AGBL4: variants seen among roughly 807,000 people sequenced by gnomAD.
AGBL4 encodes the protein AGBL carboxypeptidase 4.
AGBL4 carries 58 observed loss-of-function variants against 66.4 expected under a neutral mutation model. The ratio of observed to expected loss-of-function variants is 0.87; its 90% CI spans 0.71 to 1.09. AGBL4 has a LOEUF of 1.09. AGBL4 is among the 50% of genes least tolerant of loss of function. The pLI, the probability that AGBL4 is intolerant of heterozygous loss-of-function variation, is 0.00. For synonymous variants in AGBL4, 234 were observed against 222.9 expected (o/e 1.05, Z -0.44); for missense variants, 579 against 631.0 (o/e 0.92, Z 0.88).
At chr1:48,670,851 C>T (rs1646265602) in intron 6 of AGBL4, among the ~76,000 whole-genome samples, 1 of 152,264 alleles carries the variant, frequency 6.6e-6, no homozygotes, top group African/African-American at 2.4e-5. Context: ...GACTCAGAGG[C>T]TCTGAGATTC....
intron 4 of AGBL4, among the ~76,000 whole-genome samples, chr1:49,048,924 CT>C (rs1397733529): frequency 6.6e-6 from 1 of 152,090 alleles, no homozygotes; most frequent in Non-Finnish European, 1.5e-5. Context: ...TTCCACTCCC[CT>C]TTTCCCCTTG....
At chr1:49,014,950 A>G (rs2149012371) in intron 5 of AGBL4, among the ~76,000 whole-genome samples, 1 of 152,358 alleles carries the variant, frequency 6.6e-6, no homozygotes, top group South Asian at 2.1e-4. Flanking sequence ...TTGAGATAAC[A>G]CTGCTTCTTA....
chr1:48,752,672 A>T (rs2148634918), intron 6 of AGBL4, among the ~76,000 whole-genome samples: 1 of 152,250 alleles, frequency 6.6e-6, no homozygotes, highest in East Asian at 1.9e-4. Flanking sequence ...TCTTCAAATG[A>T]TTCTATATCT....
At chr1:49,537,904 G>A (rs1651726855) in intron 3 of AGBL4, among the ~76,000 whole-genome samples, 2 of 151,636 alleles carry the variant, frequency 1.3e-5, no homozygotes, top group Non-Finnish European at 2.9e-5. Context: ...TCCAGCCTGG[G>A]CGAGAGAGTG....
chr1:49,589,895 C>T (rs1426691112), intron 3 of AGBL4, among the ~76,000 whole-genome samples: 1 of 151,968 alleles, frequency 6.6e-6, no homozygotes, highest in African/African-American at 2.4e-5. Flanking sequence ...ACAAGTTACT[C>T]TTATGAGATA....
At chr1:49,779,752 T>C (rs1644291126) in intron 2 of AGBL4, among the ~76,000 whole-genome samples, 1 of 152,134 alleles carries the variant, frequency 6.6e-6, no homozygotes, top group Non-Finnish European at 1.5e-5. Context: ...AGGAAAATCC[T>C]TATAATTGCC....
chr1:49,131,554 A>G (rs1645896350), intron 4 of AGBL4, among the ~76,000 whole-genome samples: 1 of 152,102 alleles, frequency 6.6e-6, no homozygotes, highest in Non-Finnish European at 1.5e-5. Flanking sequence ...TTAGGGGCTT[A>G]GGAAGATTTA....
At chr1:49,672,842 A>G (rs1171277243) in intron 3 of AGBL4, among the ~76,000 whole-genome samples, 1 of 149,318 alleles carries the variant, frequency 6.7e-6, no homozygotes, top group Non-Finnish European at 1.5e-5. Flanking sequence ...AATCGCTTGA[A>G]CCCAGGAGGT....
intron 1 of AGBL4, among the ~76,000 whole-genome samples, chr1:49,956,790 G>T (rs936193939): frequency 6.6e-6 from 1 of 151,916 alleles, no homozygotes; most frequent in Non-Finnish European, 1.5e-5. Context: ...ATCAATTAAT[G>T]ACTTTTGGAT....
intron 1 of AGBL4, among the ~76,000 whole-genome samples, chr1:49,951,167 T>C (rs1476509692): frequency 1.3e-5 from 2 of 151,806 alleles, no homozygotes; most frequent in African/African-American, 2.4e-5. Flanking sequence ...ACGGTGACTA[T>C]AGTTAATAAT....
At position 49,954,753 on chromosome 1, in the gene AGBL4, T is replaced by C. The variant is rs563722220; in HGVS notation, c.34+69010A>G. ...GATGCAATCCACTCATCTTCCCCTTTATTGTTTCTTCTGCCTGGTACTATC... is the reference window on the plus strand; with the variant it reads ...GATGCAATCCACTCATCTTCCCCTTCATTGTTTCTTCTGCCTGGTACTATC... On this transcript the variant is annotated intron_variant, in intron 1 of 13. Coordinates refer to ENST00000371839, the MANE Select transcript of AGBL4 (RefSeq NM_032785.4). 3.4e-4 allele frequency among the ~76,000 whole-genome samples: 52 copies of C among 152,066 alleles called. 1 individual carries two copies. Among genetic ancestry groups the C allele is most frequent in the African/African-American group, 1.2e-3 (51 of 41,542 alleles).
At chr1:49,055,362 A>G (rs1644290767) in intron 4 of AGBL4, among the ~76,000 whole-genome samples, 1 of 152,048 alleles carries the variant, frequency 6.6e-6, no homozygotes, top group Non-Finnish European at 1.5e-5. Flanking sequence ...ATATTTATAT[A>G]TTTCAATACT....
intron 1 of AGBL4, among the ~76,000 whole-genome samples, chr1:49,931,354 T>C (rs1023266156): frequency 2.6e-5 from 4 of 152,286 alleles, no homozygotes; most frequent in African/African-American, 9.6e-5. Flanking sequence ...TACCTGAGAC[T>C]GGGTAATTTA....
intron 3 of AGBL4, among the ~76,000 whole-genome samples, chr1:49,475,430 A>T (rs986454626): frequency 6.6e-6 from 1 of 151,942 alleles, no homozygotes; most frequent in African/African-American, 2.4e-5. Context: ...TGGCACCAAG[A>T]TGATATTGAT....
chr1:48,823,985 G>A (rs948819297), intron 6 of AGBL4, among the ~76,000 whole-genome samples: 1 of 152,130 alleles, frequency 6.6e-6, no homozygotes, highest in African/African-American at 2.4e-5. Flanking sequence ...GTGTGTGTGT[G>A]TGTATATGTG....
At chr1:48,847,043 G>A (rs112537734) in intron 6 of AGBL4, among the ~76,000 whole-genome samples, 5,834 of 152,202 alleles carry the variant, frequency 0.038, 370 homozygotes, top group African/African-American at 0.13. Context: ...GCTCATGCCT[G>A]TAATCCCAGC....
chr1:49,044,225 C>T lies in AGBL4; in HGVS notation c.594+1359G>A, dbSNP rs183596807. On this transcript the variant is annotated intron_variant, in intron 5 of 13. Coordinates refer to ENST00000371839, the MANE Select transcript of AGBL4 (RefSeq NM_032785.4). ...GAGGGAAGTAGGAAGAGGCAGGGTA[C>T]GGTGGCTCACATCTGTAATCCCAGC... Among the ~76,000 whole-genome samples the T allele has an allele frequency of 1.1e-4, 17 of 152,182 alleles. 1 individual carries two copies. The highest frequency in any genetic ancestry group is 4.2e-4 in the South Asian group (2 of 4,816).
intron 3 of AGBL4, among the ~76,000 whole-genome samples, chr1:49,548,827 G>A (rs1652721041): frequency 6.6e-6 from 1 of 152,066 alleles, no homozygotes; most frequent in African/African-American, 2.4e-5. Flanking sequence ...TTTTCTCTAT[G>A]TTGTGGAATA....
chr1:49,479,718 T>C (rs1039347304), intron 3 of AGBL4, among the ~76,000 whole-genome samples: 1 of 150,688 alleles, frequency 6.6e-6, no homozygotes, highest in Non-Finnish European at 1.5e-5. Context: ...TTTTTTTTTT[T>C]TGAGGCAGAG....
Sources: allele counts gnomAD v4.1 joint callset (sites outside exome capture counted in the v4.1 genomes callset), GRCh38; gene constraint gnomAD v4.1.1; transcripts MANE v1.5; gene names NCBI Gene and HGNC (gene_info 2026-07-23, HGNC 2026-07-21).